The following KIAA1549 variants were observed in gnomAD, a reference collection of about 807,000 sequenced individuals.
The protein encoded by KIAA1549 is KIAA1549.
Under a neutral mutation model 156.4 loss-of-function variants are expected in KIAA1549, and 70 were observed. The observed-to-expected ratio is 0.45, with a 90% CI of 0.37 to 0.55. The LOEUF (loss-of-function observed/expected upper bound fraction) is 0.55. Ranked by LOEUF, KIAA1549 falls within the 20% of genes least tolerant of loss-of-function variation. The pLI is 0.00. For synonymous variants in KIAA1549, 1,103 were observed against 1,066.4 expected (o/e 1.03, Z -0.67); for missense variants, 2,428 against 2,540.9 (o/e 0.96, Z 0.96).
intron 9 of KIAA1549, among the ~76,000 whole-genome samples, chr7:138,898,232 G>C (rs567275342): frequency 6.7e-6 from 1 of 149,484 alleles, no homozygotes; most frequent in Non-Finnish European, 1.5e-5. Flanking sequence ...ACTTGAACCC[G>C]GGAGGCAGAG....
intron 1 of KIAA1549, among the ~76,000 whole-genome samples, chr7:138,949,112 T>G (rs1159537175): frequency 6.6e-6 from 1 of 152,206 alleles, no homozygotes; most frequent in Non-Finnish European, 1.5e-5. Context: ...TAAAACTATC[T>G]CTAATCTACA....
intron 1 of KIAA1549, among the ~76,000 whole-genome samples, chr7:138,965,681 T>C (rs1353117331): frequency 1.3e-5 from 2 of 152,290 alleles, no homozygotes; most frequent in East Asian, 1.9e-4. Flanking sequence ...ATGTAGAATA[T>C]GATACCATTG....
chr7:138,968,521 TCTA>T (rs1353460654), intron 1 of KIAA1549, among the ~76,000 whole-genome samples: 5 of 152,100 alleles, frequency 3.3e-5, no homozygotes, highest in Admixed American at 3.3e-4. Flanking sequence ...TTTCAATCCA[TCTA>T]GTACATCCCA....
chr7:138,848,074 GCTAAATTCC>G (rs1415438088), intron 17 of KIAA1549, among the ~76,000 whole-genome samples: 1 of 152,048 alleles, frequency 6.6e-6, no homozygotes, highest in Admixed American at 6.5e-5. Flanking sequence ...TAGCAATTTT[GCTAAATTCC>G]CTAAATTCTA....
chr7:138,861,537 A>T, intron 15 of KIAA1549, 81 bp from the exon 16 acceptor site: 1 of 1,111,908 alleles, frequency 9.0e-7, no homozygotes, highest in Non-Finnish European at 1.3e-6. Context: ...ATTGAGGAAA[A>T]GTTCTATCAT....
chr7:138,874,330 G>T (rs1296261787), intron 12 of KIAA1549, among the ~76,000 whole-genome samples: 2 of 151,990 alleles, frequency 1.3e-5, no homozygotes, highest in East Asian at 1.9e-4. Flanking sequence ...GTACCTCATG[G>T]TAACTATAAT....
intron 17 of KIAA1549, among the ~76,000 whole-genome samples, chr7:138,848,984 C>T (rs1810160908): frequency 6.6e-6 from 1 of 152,208 alleles, no homozygotes; most frequent in Admixed American, 6.5e-5. Flanking sequence ...CATCCCATCT[C>T]AGCCTCCAGA....
chr7:138,888,725 A>G (rs6944423), intron 10 of KIAA1549, among the ~76,000 whole-genome samples: 25,740 of 152,228 alleles, frequency 0.17, 3,655 homozygotes, highest in African/African-American at 0.38. Context: ...TAAAAAATCC[A>G]TTCTGTGTGA....
intron 7 of KIAA1549, among the ~76,000 whole-genome samples, chr7:138,904,063 C>A (rs554484876): frequency 2.0e-5 from 3 of 152,302 alleles, no homozygotes; most frequent in African/African-American, 7.2e-5. Flanking sequence ...AGCTTTGGCG[C>A]AAAGGGCGCC....
intron 16 of KIAA1549, among the ~76,000 whole-genome samples, chr7:138,854,132 A>G (rs957886971): frequency 6.6e-6 from 1 of 152,362 alleles, no homozygotes; most frequent in Non-Finnish European, 1.5e-5. Context: ...ACACCTACAT[A>G]AAAGTTTGGG....
At chr7:138,970,273 G>T (rs1563098470) in intron 1 of KIAA1549, among the ~76,000 whole-genome samples, 1 of 152,144 alleles carries the variant, frequency 6.6e-6, no homozygotes, top group Non-Finnish European at 1.5e-5. Flanking sequence ...AAGTGCTTTT[G>T]TAATTCCTGG....
At position 138,894,326 on chromosome 7, in the gene KIAA1549, A is replaced by G. The variant is rs1028791414; in HGVS notation, c.4032+16T>C. The G allele has an allele frequency of 1.2e-6, 2 of 1,613,242 alleles. No homozygotes were observed. The highest frequency in any genetic ancestry group is 2.7e-5 in the African/African-American group (2 of 75,040). On this transcript the variant is annotated intron_variant, in intron 10 of 19. Coordinates refer to ENST00000422774, the MANE Select transcript of KIAA1549 (RefSeq NM_001164665.2). Reference sequence around the variant, plus strand: ...AACTGCTTATAGGAACACTGGGGGAAGAGGCTGCCCGTTACCTTCTGACGC... The same window carrying G: ...AACTGCTTATAGGAACACTGGGGGAGGAGGCTGCCCGTTACCTTCTGACGC...
intron 1 of KIAA1549, among the ~76,000 whole-genome samples, chr7:138,943,301 T>C (rs1372131833): frequency 6.6e-6 from 1 of 152,174 alleles, no homozygotes; most frequent in Non-Finnish European, 1.5e-5. Context: ...GAGGTCTGGT[T>C]TGCCCAAATC....
chr7:138,916,724 A>G, intron 2 of KIAA1549, 24 bp downstream of exon 2: 4 of 1,612,322 alleles, frequency 2.5e-6, no homozygotes, highest in Non-Finnish European at 3.4e-6. Flanking sequence ...CACCCCAGAG[A>G]GGCGGCAGGA....
In KIAA1549 at chr7:138,916,975, C is replaced by A; in HGVS notation, c.2651G>T (p.Ser884Ile). The part of the protein sequence containing the change: ...EVPLNTSTEV[S>I]TTSTGAATGG... ...AGTGGCAGCACCGGTGCTGGTTGTG[C>A]TCACTTCCGTGGAGGTGTTCAGTGG... Residue 884 changes from serine (S) to isoleucine (I), a missense_variant, in exon 2 of 20, where the codon AGC (serine) becomes ATC (isoleucine). By Grantham distance (142) the Ser-to-Ile change is moderately radical (BLOSUM62 -2). Transcript: ENST00000422774. 1 of 1,600,592 alleles carries A rather than the reference C, an allele frequency of 6.2e-7. No individual in the cohort carries two copies. The highest frequency in any genetic ancestry group is 8.5e-7 in the Non-Finnish European group (1 of 1,173,248).
At chr7:138,961,550 C>T (rs1179874241) in intron 1 of KIAA1549, among the ~76,000 whole-genome samples, 1 of 152,210 alleles carries the variant, frequency 6.6e-6, no homozygotes, top group Non-Finnish European at 1.5e-5. Flanking sequence ...GCCCACTCAA[C>T]AATCCTTTCA....
intron 12 of KIAA1549, among the ~76,000 whole-genome samples, chr7:138,874,069 ATACT>A (rs1440799643): frequency 6.8e-6 from 1 of 148,016 alleles, no homozygotes; most frequent in Non-Finnish European, 1.5e-5. Context: ...TATATATTAC[ATACT>A]TCTATATCAT....
intron 1 of KIAA1549, among the ~76,000 whole-genome samples, chr7:138,942,465 C>T (rs983606274): frequency 4.0e-5 from 6 of 151,374 alleles, no homozygotes; most frequent in Non-Finnish European, 1.5e-5. Flanking sequence ...GCACCATGAC[C>T]GCATGGGGAT....
intron 12 of KIAA1549, 42 bp downstream of exon 12, chr7:138,879,496 T>C (rs761498580): frequency 4.5e-5 from 56 of 1,253,062 alleles, no homozygotes; most frequent in African/African-American, 2.1e-4. Context: ...TGGACTCTCA[T>C]AGGGACTACT....
Sources: allele counts gnomAD v4.1 joint callset (sites outside exome capture counted in the v4.1 genomes callset), GRCh38; gene constraint gnomAD v4.1.1; transcripts MANE v1.5; gene names NCBI Gene and HGNC (gene_info 2026-07-23, HGNC 2026-07-21).